FGF14: variants seen among roughly 807,000 people sequenced by gnomAD.
The protein encoded by FGF14 is fibroblast growth factor 14.
A neutral mutation model predicts 25.5 loss-of-function variants in FGF14; 5 were observed. The ratio of observed to expected loss-of-function variants is 0.20; its 90% confidence interval spans 0.10 to 0.41. The LOEUF (loss-of-function observed/expected upper bound fraction) is 0.41, where lower values mean the gene tolerates loss of function less well. Among genes scored for constraint, FGF14 ranks in the 10% least tolerant of loss-of-function variants. The pLI, the probability that FGF14 is intolerant of heterozygous loss-of-function variation, is 1.00. For synonymous variants in FGF14, 138 were observed against 118.3 expected, an observed-to-expected ratio of 1.17 and a Z score of -1.08; for missense variants, 222 against 320.1, an observed-to-expected ratio of 0.69 and a Z score of 2.34.
At chr13:101,829,545 T>C (rs1404711824) in intron 3 of FGF14, among the ~76,000 whole-genome samples, 1 of 151,990 alleles carries the variant, frequency 6.6e-6, no homozygotes, top group Non-Finnish European at 1.5e-5. Flanking sequence ...CTTCAGCTAT[T>C]CCGGAGGTAT....
intron 1 of FGF14, among the ~76,000 whole-genome samples, chr13:102,309,584 G>A (rs558300356): frequency 6.6e-6 from 1 of 152,248 alleles, no homozygotes; most frequent in South Asian, 2.1e-4. Flanking sequence ...TACAATTTGG[G>A]TAAAAAGAAC....
intron 1 of FGF14, among the ~76,000 whole-genome samples, chr13:102,278,416 G>T (rs1594693276): frequency 1.3e-5 from 2 of 152,140 alleles, no homozygotes; most frequent in African/African-American, 4.8e-5. Context: ...ACTGACATCA[G>T]CCATAGCCAT....
At chr13:101,741,862 T>G (rs777175165) in intron 3 of FGF14, among the ~76,000 whole-genome samples, 106 of 152,246 alleles carry the variant, frequency 7.0e-4, no homozygotes, top group Non-Finnish European at 1.1e-3. Flanking sequence ...TGAAAGTAAA[T>G]TAGCAAGTAT....
chr13:101,963,443 GCACT>G (rs1329441351), intron 1 of FGF14, among the ~76,000 whole-genome samples: 1 of 151,844 alleles, frequency 6.6e-6, no homozygotes, highest in Non-Finnish European at 1.5e-5. Context: ...CATTTGTGGG[GCACT>G]CATTCACCCT....
chr13:101,972,428 G>A (rs1306625903), intron 1 of FGF14, among the ~76,000 whole-genome samples: 2 of 152,188 alleles, frequency 1.3e-5, no homozygotes, highest in African/African-American at 4.8e-5. Flanking sequence ...GCCTGAGGCT[G>A]CCATATTTTG....
intron 1 of FGF14, among the ~76,000 whole-genome samples, chr13:102,046,453 A>C (rs666315): frequency 0.035 from 5,320 of 152,258 alleles, 283 homozygotes; most frequent in African/African-American, 0.12. Context: ...CATGAATTAA[A>C]TGGGGAACCA....
At chr13:101,855,686 G>C (rs1217347437) in intron 3 of FGF14, among the ~76,000 whole-genome samples, 1 of 151,922 alleles carries the variant, frequency 6.6e-6, no homozygotes, top group Non-Finnish European at 1.5e-5. Context: ...TGAAAAGTCT[G>C]AGGGATTTTT....
chr13:102,069,229 T>C lies in FGF14; in HGVS notation c.209-193933A>G, dbSNP rs570076754. On this transcript the variant is annotated intron_variant, in intron 1 of 4. Transcript: ENST00000376131. ...TGTATCTAGCTGCTCTGGTGGGGCCTTGGAGAACCTGTGTGTCAAAACTCT... is the reference window on the plus strand; with the variant it reads ...TGTATCTAGCTGCTCTGGTGGGGCCCTGGAGAACCTGTGTGTCAAAACTCT... Among the ~76,000 whole-genome samples, 11 of 152,260 alleles carry C rather than the reference T, an allele frequency of 7.2e-5. No homozygotes were observed. In the East Asian group the frequency reaches 1.9e-3, roughly 27 times the overall value.
chr13:102,023,085 A>T (rs2040751947), intron 1 of FGF14, among the ~76,000 whole-genome samples: 1 of 146,534 alleles, frequency 6.8e-6, no homozygotes. Flanking sequence ...CACAGCCAAC[A>T]GCCACACACA....
Position 102,323,538 on chromosome 13 carries a change from G to T in FGF14, c.208+77933C>A, listed in dbSNP as rs564918527. Among the ~76,000 whole-genome samples the T allele has an allele frequency of 2.0e-5, 3 of 152,252 alleles. No homozygotes were observed. In the South Asian group the frequency reaches 6.2e-4, roughly 32 times the overall value. On this transcript the variant is annotated intron_variant, in intron 1 of 4. Transcript: ENST00000376131. ...TGGTAAAGATCAAAAGCTTATCTCA[G>T]AGACAAATTGAAATCATATCATTTG...
chr13:102,310,685 C>CTCTGTGTG (rs369697906), intron 1 of FGF14, among the ~76,000 whole-genome samples: 4 of 6,860 alleles, frequency 5.8e-4, no homozygotes, highest in African/African-American at 2.6e-3. Context: ...CTCTCTCTCT[C>CTCTGTGTG]TGTGTGTGTG....
At chr13:102,330,341 T>A (rs1052144920) in intron 1 of FGF14, among the ~76,000 whole-genome samples, 3 of 152,190 alleles carry the variant, frequency 2.0e-5, no homozygotes, top group Non-Finnish European at 4.4e-5. Context: ...TCTGTTCTTA[T>A]CTATGATCAA....
At chr13:101,870,971 A>ATACATACATACATACATAC (rs530929700) in intron 2 of FGF14, among the ~76,000 whole-genome samples, 1 of 141,682 alleles carries the variant, frequency 7.1e-6, no homozygotes, top group Non-Finnish European at 1.5e-5. Context: ...TAAATAAATA[A>ATACATACATACATACATAC]ATAAATACAT....
chr13:101,730,744 C>T (rs377603545), intron 3 of FGF14, among the ~76,000 whole-genome samples: 26 of 152,278 alleles, frequency 1.7e-4, no homozygotes, highest in East Asian at 1.6e-3. Context: ...GTGCACAGCA[C>T]GGGCCACAAA....
intron 1 of FGF14, among the ~76,000 whole-genome samples, chr13:102,344,677 A>G (rs2057050037): frequency 6.6e-6 from 1 of 152,244 alleles, no homozygotes; most frequent in Non-Finnish European, 1.5e-5. Flanking sequence ...AGAGGCACAT[A>G]AGAGATCATT....
chr13:101,864,967 G>A (rs7999817), intron 3 of FGF14, among the ~76,000 whole-genome samples: 65,573 of 151,868 alleles, frequency 0.43, 15,317 homozygotes, highest in East Asian at 0.66. Flanking sequence ...AGATGAGGGG[G>A]CAGACTAGGA....
At chr13:101,778,875 AC>A (rs2039312198) in intron 3 of FGF14, 1 of 149,576 alleles carries the variant, frequency 6.7e-6, no homozygotes, top group Admixed American at 6.7e-5. Flanking sequence ...AAAAAAAAAA[AC>A]TGACATCAAG....
At chr13:101,766,108 TA>T (rs1349377896) in intron 3 of FGF14, among the ~76,000 whole-genome samples, 1 of 152,200 alleles carries the variant, frequency 6.6e-6, no homozygotes, top group Non-Finnish European at 1.5e-5. Context: ...AAACCGGGCT[TA>T]ATAATCATTA....
At chr13:101,824,176 ACTTT>A (rs749687968) in intron 3 of FGF14, among the ~76,000 whole-genome samples, 7 of 152,162 alleles carry the variant, frequency 4.6e-5, no homozygotes, top group African/African-American at 7.2e-5. Context: ...TTTAATGATT[ACTTT>A]CTTTTTTTCT....
Sources: allele counts gnomAD v4.1 joint callset (sites outside exome capture counted in the v4.1 genomes callset), GRCh38; gene constraint gnomAD v4.1.1; transcripts MANE v1.5; gene names NCBI Gene and HGNC (gene_info 2026-07-23, HGNC 2026-07-21).